NUBPL: variants seen among roughly 807,000 people sequenced by gnomAD.
The protein encoded by NUBPL is NUBP iron-sulfur cluster assembly factor, mitochondrial, also known as iron-sulfur cluster transfer protein NUBPL.
In NUBPL, 31 loss-of-function variants were observed where a neutral mutation model predicts 45.7. The ratio of observed to expected loss-of-function variants is 0.68; its 90% CI spans 0.51 to 0.92. The LOEUF (loss-of-function observed/expected upper bound fraction) is 0.92, where lower values mean the gene tolerates loss of function less well. NUBPL is among the 40% of genes least tolerant of loss of function. The probability of loss-of-function intolerance (pLI) is 0.00; values close to 1 mark genes in which losing one functional copy is unlikely to be tolerated. For synonymous variants in NUBPL, 144 were observed against 140.9 expected, an observed-to-expected ratio of 1.02 and a Z score of -0.15; for missense variants, 401 against 398.7, an observed-to-expected ratio of 1.01 and a Z score of -0.05.
At chr14:31,598,174 T>A (rs573838554) in intron 3 of NUBPL, among the ~76,000 whole-genome samples, 1 of 152,182 alleles carries the variant, frequency 6.6e-6, no homozygotes, top group Non-Finnish European at 1.5e-5. Context: ...TATATATATG[T>A]ATATTTAAAC....
chr14:31,680,926 C>G (rs963940398), intron 6 of NUBPL, among the ~76,000 whole-genome samples: 4 of 151,996 alleles, frequency 2.6e-5, no homozygotes, highest in Admixed American at 1.3e-4. Context: ...GCCAACTGTA[C>G]TTTTACTGCA....
intron 7 of NUBPL, among the ~76,000 whole-genome samples, chr14:31,825,427 C>T (rs2040080422): frequency 6.6e-6 from 1 of 152,108 alleles, no homozygotes. Flanking sequence ...TTTTTTCAGT[C>T]TTCCAAGTAG....
At chr14:31,725,803 G>A (rs2037910304) in intron 6 of NUBPL, among the ~76,000 whole-genome samples, 1 of 133,922 alleles carries the variant, frequency 7.5e-6, no homozygotes, top group Non-Finnish European at 1.5e-5. Context: ...TCCACCTCCC[G>A]GGTTTAAACG....
At chr14:31,627,613 A>C (rs903656030) in intron 4 of NUBPL, among the ~76,000 whole-genome samples, 1 of 151,936 alleles carries the variant, frequency 6.6e-6, no homozygotes, top group African/African-American at 2.4e-5. Context: ...AACAATAGAA[A>C]AAATTAGCCA....
intron 6 of NUBPL, among the ~76,000 whole-genome samples, chr14:31,769,983 G>A (rs912877536): frequency 2.6e-5 from 4 of 151,782 alleles, no homozygotes; most frequent in African/African-American, 7.3e-5. Flanking sequence ...ATAGATATCT[G>A]GATTCTTGTC....
At chr14:31,703,677 C>T (rs8013480) in intron 6 of NUBPL, among the ~76,000 whole-genome samples, 8,262 of 152,244 alleles carry the variant, frequency 0.054, 644 homozygotes, top group African/African-American at 0.18. Context: ...GACCCACTCC[C>T]GTGATTCAGT....
chr14:31,565,070 TATTA>T (rs2033401335), intron 3 of NUBPL, 22 bp downstream of exon 3: 1 of 1,397,828 alleles, frequency 7.2e-7, no homozygotes, highest in Non-Finnish European at 1.0e-6. Context: ...TTAATAGAAA[TATTA>T]ATTTATTAAA....
At chr14:31,610,066 G>A (rs1375795288) in intron 4 of NUBPL, among the ~76,000 whole-genome samples, 1 of 151,926 alleles carries the variant, frequency 6.6e-6, no homozygotes, top group Non-Finnish European at 1.5e-5. Context: ...ACATAATAAA[G>A]ATCAGAGAAG....
chr14:31,837,928 G>A (rs2040307896), intron 8 of NUBPL, among the ~76,000 whole-genome samples: 1 of 152,126 alleles, frequency 6.6e-6, no homozygotes, highest in Non-Finnish European at 1.5e-5. Context: ...CACTGTCTCT[G>A]AACAAAGAAA....
intron 4 of NUBPL, among the ~76,000 whole-genome samples, chr14:31,639,238 T>C (rs2035605410): frequency 2.0e-5 from 3 of 152,180 alleles, no homozygotes; most frequent in Non-Finnish European, 4.4e-5. Context: ...TGGTCTTTGA[T>C]GATGGTGATG....
chr14:31,764,710 AAT>A (rs2038879496), intron 6 of NUBPL, among the ~76,000 whole-genome samples: 1 of 152,172 alleles, frequency 6.6e-6, no homozygotes, highest in South Asian at 2.1e-4. Flanking sequence ...CTGCTCACTT[AAT>A]GGTCTTTTAA....
At chr14:31,729,432 T>C (rs1444179344) in intron 6 of NUBPL, among the ~76,000 whole-genome samples, 2 of 152,212 alleles carry the variant, frequency 1.3e-5, no homozygotes, top group African/African-American at 4.8e-5. Context: ...TTATTTATTT[T>C]GGTCAAGTTT....
At chr14:31,747,072 C>CAAAAA (rs371061163) in intron 6 of NUBPL, among the ~76,000 whole-genome samples, 6 of 65,530 alleles carry the variant, frequency 9.2e-5, no homozygotes, top group Admixed American at 2.0e-4. Flanking sequence ...AACCTGTCTC[C>CAAAAA]AAAAAAAAAA....
intron 3 of NUBPL, chr14:31,577,910 T>G: frequency 7.9e-7 from 1 of 1,258,958 alleles, no homozygotes; most frequent in Non-Finnish European, 1.0e-6. Context: ...CCTCCTCTAT[T>G]GGTTCATATG....
At chr14:31,643,955 G>T (rs1012293297) in intron 4 of NUBPL, among the ~76,000 whole-genome samples, 1 of 151,892 alleles carries the variant, frequency 6.6e-6, no homozygotes, top group East Asian at 1.9e-4. Context: ...AATTTTAAAT[G>T]ATTCTTTGTA....
chr14:31,676,777 T>A (rs970245609), intron 6 of NUBPL, among the ~76,000 whole-genome samples: 1 of 151,606 alleles, frequency 6.6e-6, no homozygotes, highest in East Asian at 1.9e-4. Context: ...TATTTTTATT[T>A]ATTTATTTTT....
At chr14:31,643,810 C>T (rs2139709141) in intron 4 of NUBPL, among the ~76,000 whole-genome samples, 2 of 152,126 alleles carry the variant, frequency 1.3e-5, no homozygotes, top group South Asian at 2.1e-4. Context: ...TTTATTATGG[C>T]ATTGATCTCA....
intron 6 of NUBPL, among the ~76,000 whole-genome samples, chr14:31,732,203 A>AAAAAAAAAAC (rs2038065623): frequency 6.8e-6 from 1 of 147,984 alleles, no homozygotes; most frequent in Non-Finnish European, 1.5e-5. Flanking sequence ...CAAAAAAAAA[A>AAAAAAAAAAC]TGAAAGAAAG....
chr14:31,623,055 A>G (rs985212701), intron 4 of NUBPL, among the ~76,000 whole-genome samples: 10 of 152,306 alleles, frequency 6.6e-5, no homozygotes, highest in Admixed American at 2.0e-4. Flanking sequence ...GAGCTGCCCA[A>G]CTCCTCGGGA....
Sources: gnomAD v4.1 joint callset for allele counts (sites outside exome capture counted in the v4.1 genomes callset) on GRCh38, gnomAD v4.1.1 for gene constraint, MANE v1.5 for transcripts, NCBI Gene and HGNC (gene_info 2026-07-23, HGNC 2026-07-21) for gene names.